The following COL24A1 variants were observed in gnomAD, a reference collection of about 807,000 sequenced individuals.
The protein encoded by COL24A1 is collagen alpha-1(XXIV) chain.
A neutral mutation model predicts 253.9 loss-of-function variants in COL24A1; 224 were observed. The observed-to-expected ratio is 0.88, with a 90% CI of 0.79 to 0.99. COL24A1 has a LOEUF of 0.99. Ranked by LOEUF, COL24A1 falls within the 50% of genes least tolerant of loss-of-function variation. The probability of loss-of-function intolerance (pLI) is 0.00; values close to 1 mark genes in which losing one functional copy is unlikely to be tolerated. For synonymous variants in COL24A1, 685 were observed against 673.7 expected (o/e 1.02, Z -0.26); for missense variants, 2,131 against 2,068.5 (o/e 1.03, Z -0.59).
intron 3 of COL24A1, among the ~76,000 whole-genome samples, chr1:86,118,404 T>C (rs2102211192): frequency 6.6e-6 from 1 of 152,288 alleles, no homozygotes; most frequent in Non-Finnish European, 1.5e-5. Flanking sequence ...CAGCAATCAC[T>C]GAGTAAATGT....
intron 19 of COL24A1, among the ~76,000 whole-genome samples, chr1:85,999,415 T>C (rs1040494287): frequency 1.3e-5 from 2 of 152,026 alleles, no homozygotes; most frequent in Admixed American, 6.6e-5. Flanking sequence ...GGCAGATAGC[T>C]TGACTAGCCT....
chr1:86,033,761 T>C (rs1311423855), intron 13 of COL24A1, 109 bp downstream of exon 13: 1 of 1,015,870 alleles, frequency 9.8e-7, no homozygotes, highest in Non-Finnish European at 1.4e-6. Context: ...GTGGAGATTG[T>C]TTTTCCAATA....
intron 20 of COL24A1, among the ~76,000 whole-genome samples, chr1:85,974,137 G>A (rs979990123): frequency 2.0e-5 from 3 of 152,242 alleles, no homozygotes; most frequent in South Asian, 4.1e-4. Flanking sequence ...CACTATTAGA[G>A]AGGGAAATTT....
chr1:85,867,612 C>T (rs890087774), intron 37 of COL24A1, among the ~76,000 whole-genome samples: 10 of 151,994 alleles, frequency 6.6e-5, no homozygotes, highest in African/African-American at 1.2e-4. Flanking sequence ...GGAGAACCCA[C>T]GTTTAAAGAT....
At position 85,875,298 on chromosome 1, in the gene COL24A1, C is replaced by A; in HGVS notation, c.3063G>T (p.Leu1021=). ...GPPGTEGESG[L]QGEPGAKGDV... ...TTACCTTTGCACCTGGTTCACCTTG[C>A]AGACCAGACTCTCCCTCAGTGCCTG... The change falls in exon 34 of 60, where the codon CTG becomes CTT. Residue 1021 remains leucine (L), a synonymous_variant. Coordinates refer to ENST00000370571, the MANE Select transcript of COL24A1 (RefSeq NM_152890.7). 1 of 1,613,824 alleles carries A rather than the reference C, an allele frequency of 6.2e-7. No homozygotes were observed. The highest frequency in any genetic ancestry group is 8.5e-7 in the Non-Finnish European group (1 of 1,179,828).
intron 24 of COL24A1, among the ~76,000 whole-genome samples, chr1:85,956,605 C>T (rs1173716340): frequency 6.6e-6 from 1 of 152,156 alleles, no homozygotes; most frequent in Non-Finnish European, 1.5e-5. Flanking sequence ...TGTGGCCAGA[C>T]TACTGGACAA....
chr1:85,872,219 TC>T (rs1367358123), intron 35 of COL24A1, among the ~76,000 whole-genome samples: 1 of 152,100 alleles, frequency 6.6e-6, no homozygotes. Context: ...GGAAGAACAT[TC>T]CATGCTCATG....
intron 18 of COL24A1, among the ~76,000 whole-genome samples, chr1:86,017,411 C>A (rs914766912): frequency 2.0e-5 from 3 of 152,120 alleles, no homozygotes; most frequent in Non-Finnish European, 4.4e-5. Context: ...TACATTCACT[C>A]AAGTGTTAAG....
chr1:86,113,897 G>A (rs1345464979), intron 4 of COL24A1, among the ~76,000 whole-genome samples: 2 of 143,514 alleles, frequency 1.4e-5, no homozygotes, highest in Admixed American at 1.4e-4. Flanking sequence ...TATGACTTAT[G>A]TCATTGGTAA....
chr1:86,137,869 C>T (rs1397879340), intron 2 of COL24A1, among the ~76,000 whole-genome samples: 2 of 152,152 alleles, frequency 1.3e-5, no homozygotes, highest in Admixed American at 6.5e-5. Context: ...AGTCTCACAA[C>T]CACACAAGCA....
intron 24 of COL24A1, among the ~76,000 whole-genome samples, chr1:85,918,709 T>C (rs1686157410): frequency 6.6e-6 from 1 of 152,174 alleles, no homozygotes; most frequent in Non-Finnish European, 1.5e-5. Context: ...ATCTAAGATA[T>C]CATGGATTGT....
At chr1:85,901,686 C>T (rs1684309698) in intron 28 of COL24A1, among the ~76,000 whole-genome samples, 1 of 151,664 alleles carries the variant, frequency 6.6e-6, no homozygotes, top group Admixed American at 6.6e-5. Flanking sequence ...GGCTGAGTAG[C>T]CTGTAATCCC....
chr1:85,920,813 T>C (rs1171953020), intron 24 of COL24A1, among the ~76,000 whole-genome samples: 2 of 152,042 alleles, frequency 1.3e-5, no homozygotes, highest in African/African-American at 4.8e-5. Context: ...AATACTGATT[T>C]GTGTCTCCAT....
intron 20 of COL24A1, among the ~76,000 whole-genome samples, chr1:85,978,765 C>T (rs766528345): frequency 6.6e-6 from 1 of 152,110 alleles, no homozygotes; most frequent in Non-Finnish European, 1.5e-5. Flanking sequence ...ACTCTACTGA[C>T]AGCACTAGGC....
chr1:85,949,007 C>A (rs974453069), intron 24 of COL24A1, among the ~76,000 whole-genome samples: 2 of 152,150 alleles, frequency 1.3e-5, no homozygotes, highest in Non-Finnish European at 2.9e-5. Context: ...TCCTGACATA[C>A]TTTTGACAAT....
intron 47 of COL24A1, among the ~76,000 whole-genome samples, chr1:85,807,230 A>C (rs1368804033): frequency 1.3e-5 from 2 of 152,330 alleles, no homozygotes; most frequent in South Asian, 4.1e-4. Context: ...CACAATAGAA[A>C]GGGGTTCAAA....
At chr1:85,834,282 G>A (rs1467568678) in intron 43 of COL24A1, among the ~76,000 whole-genome samples, 2 of 150,800 alleles carry the variant, frequency 1.3e-5, no homozygotes, top group Non-Finnish European at 1.5e-5. Context: ...TAGAGACAGA[G>A]TGAGTGAGTG....
intron 37 of COL24A1, among the ~76,000 whole-genome samples, chr1:85,859,025 C>T (rs77847059): frequency 0.02 from 3,100 of 152,184 alleles, 96 homozygotes; most frequent in African/African-American, 0.07. Context: ...GCATGAATCA[C>T]TGCACTCAAT....
chr1:86,115,210 G>T, intron 4 of COL24A1, 115 bp downstream of exon 4: 1 of 985,796 alleles, frequency 1.0e-6, no homozygotes, highest in Non-Finnish European at 1.5e-6. Flanking sequence ...GTAGGACTAA[G>T]TTTGAAGATC....
Sources: gnomAD v4.1 joint callset for allele counts (sites outside exome capture counted in the v4.1 genomes callset) on GRCh38, gnomAD v4.1.1 for gene constraint, MANE v1.5 for transcripts, NCBI Gene and HGNC (gene_info 2026-07-23, HGNC 2026-07-21) for gene names.